DARS2: variants seen among roughly 807,000 people sequenced by gnomAD.
DARS2 encodes the protein aspartate--tRNA ligase, mitochondrial.
A neutral mutation model predicts 83.0 loss-of-function variants in DARS2; 63 were observed. The ratio of observed to expected loss-of-function variants is 0.76; its 90% confidence interval spans 0.62 to 0.94. The LOEUF (loss-of-function observed/expected upper bound fraction) is 0.94. Among genes scored for constraint, DARS2 ranks in the 40% least tolerant of loss-of-function variants. The probability of loss-of-function intolerance (pLI) is 0.00; values close to 1 mark genes in which losing one functional copy is unlikely to be tolerated. For synonymous variants in DARS2, 250 were observed against 269.3 expected, an observed-to-expected ratio of 0.93 and a Z score of 0.70; for missense variants, 675 against 774.4, an observed-to-expected ratio of 0.87 and a Z score of 1.52.
chr1:173,845,360 CTATCAT>C, intron 12 of DARS2, 69 bp downstream of exon 12: 1 of 957,890 alleles, frequency 1.0e-6, no homozygotes, highest in Non-Finnish European at 1.7e-6. Context: ...ATTAACTAAA[CTATCAT>C]TATCATTAGT....
At chr1:173,830,614 G>T (rs1047096933) in intron 3 of DARS2, 46 bp from the exon 4 acceptor site, 1 of 1,466,866 alleles carries the variant, frequency 6.8e-7, no homozygotes, top group East Asian at 2.3e-5. Flanking sequence ...GAAGATTCCT[G>T]TAAGTTCATT....
chr1:173,855,590 C>T (rs570641114), intron 15 of DARS2, among the ~76,000 whole-genome samples: 5 of 152,284 alleles, frequency 3.3e-5, no homozygotes, highest in East Asian at 1.9e-4. Flanking sequence ...CTGCCCAGCC[C>T]AGCTTCCAGT....
At chr1:173,850,621 T>TTTA in intron 13 of DARS2, 142 bp downstream of exon 13, 1 of 915,670 alleles carries the variant, frequency 1.1e-6, no homozygotes. Flanking sequence ...TTTTTTTTTT[T>TTTA]AAGAGACGGA....
intron 8 of DARS2, 67 bp downstream of exon 8, chr1:173,837,113 C>T (rs1426394621): frequency 1.5e-6 from 2 of 1,363,608 alleles, no homozygotes; most frequent in African/African-American, 1.4e-5. Flanking sequence ...AAAAAGGAAA[C>T]ACAAAATCCT....
chr1:173,854,186 A>T (rs1419714753), intron 15 of DARS2, among the ~76,000 whole-genome samples: 2 of 152,080 alleles, frequency 1.3e-5, no homozygotes, highest in Non-Finnish European at 2.9e-5. Context: ...TATGTTGCTC[A>T]CACTGCTCTC....
At chr1:173,852,303 C>T in intron 13 of DARS2, 3 of 941,946 alleles carry the variant, frequency 3.2e-6, no homozygotes, top group African/African-American at 1.8e-5. Flanking sequence ...CAAGCCCGTT[C>T]TAAGCACTTT....
chr1:173,857,449 T>C, intron 16 of DARS2, 69 bp from the exon 17 acceptor site: 1 of 1,509,724 alleles, frequency 6.6e-7, no homozygotes, highest in Non-Finnish European at 9.2e-7. Flanking sequence ...ACAACTTTTA[T>C]AGAAAAACTA....
intron 11 of DARS2, among the ~76,000 whole-genome samples, chr1:173,842,284 C>CCTTTTTTTT (rs1653251327): frequency 1.6e-5 from 1 of 64,224 alleles, no homozygotes; most frequent in African/African-American, 6.7e-5. Flanking sequence ...TCATTACTTT[C>CCTTTTTTTT]TTTTTTTTTT....
chr1:173,851,892 CT>C lies in DARS2; in HGVS notation c.1344+1414del, dbSNP rs1653684196. On this transcript the variant is annotated intron_variant, in intron 13 of 16. Coordinates refer to ENST00000649689, the MANE Select transcript of DARS2 (RefSeq NM_018122.5). The stretch of plus-strand genomic sequence containing the variant: ...ATGTAATCCCCCGTCTCCCCTTCCC[CT>C]ACAATAGTAAAATGAAGAAAGCTAT... The C allele has an allele frequency of 5.1e-6, 5 of 985,376 alleles. No homozygotes were observed. In the South Asian group the frequency reaches 2.3e-4, roughly 46 times the overall value. 61.0% of individuals were successfully genotyped at this position (985,376 alleles called of 1,614,324 possible).
intron 5 of DARS2, 100 bp from the exon 6 acceptor site, chr1:173,833,276 A>G (rs1467384331): frequency 9.2e-7 from 1 of 1,081,794 alleles, no homozygotes; most frequent in East Asian, 2.6e-5. Flanking sequence ...TAGAAACTAA[A>G]GACAGAGCTA....
chr1:173,840,992 T>C lies in DARS2; in HGVS notation c.1128+19T>C. The stretch of plus-strand genomic sequence containing the variant: ...AGGAGCAGTAAGTGAAGTACAGTTC[T>C]ATGTTTCTCTAGAATGTATGCTTTG... On this transcript the variant is annotated intron_variant, in intron 11 of 16. Coordinates refer to ENST00000649689, the MANE Select transcript of DARS2 (RefSeq NM_018122.5). 1 of 1,363,804 alleles carries C rather than the reference T, an allele frequency of 7.3e-7. No homozygotes were observed. Among genetic ancestry groups the C allele is most frequent in the Non-Finnish European group, 1.1e-6 (1 of 951,644 alleles). 84.5% of individuals were successfully genotyped at this position (1,363,804 alleles called of 1,614,324 possible).
intron 7 of DARS2, among the ~76,000 whole-genome samples, chr1:173,835,502 C>T (rs1652970811): frequency 6.7e-6 from 1 of 150,352 alleles, no homozygotes; most frequent in Non-Finnish European, 1.5e-5. Flanking sequence ...CCCAGGAGTT[C>T]AAGACCAGCT....
intron 12 of DARS2, among the ~76,000 whole-genome samples, chr1:173,847,315 GTTTATT>G (rs1653474867): frequency 6.6e-6 from 1 of 151,890 alleles, no homozygotes; most frequent in Non-Finnish European, 1.5e-5. Context: ...TTCCAATTTT[GTTTATT>G]TTTATTTTAT....
intron 10 of DARS2, among the ~76,000 whole-genome samples, chr1:173,840,503 A>G (rs930191643): frequency 6.6e-6 from 1 of 152,206 alleles, no homozygotes; most frequent in Non-Finnish European, 1.5e-5. Context: ...AAGTTCTGAG[A>G]TAATAGGCAT....
At chr1:173,844,762 T>G (rs567087389) in intron 11 of DARS2, among the ~76,000 whole-genome samples, 1 of 143,540 alleles carries the variant, frequency 7.0e-6, no homozygotes, top group African/African-American at 2.5e-5. Context: ...ATGTGTCATT[T>G]GGTAGCAGAA....
rs2102662277 is a variant in DARS2, at chr1:173,853,407, T to C, written c.1403T>C (p.Val468Ala). The C allele has an allele frequency of 6.2e-7, 1 of 1,613,588 alleles. No homozygotes were observed. The highest frequency in any genetic ancestry group is 2.2e-5 in the East Asian group (1 of 44,850). ...GCTGACCTTCTAGAAACAAGAGGAG[T>C]GGTGCTCCGTGACCCCACTCTGTTC... ...ECADLLETRG[V>A]VLRDPTLFSF... The change falls in exon 14 of 17, where the codon GTG becomes GCG. Residue 468 changes from valine (V) to alanine (A), a missense_variant. Physicochemically the swap from Val to Ala is moderately conservative, Grantham distance 64 (BLOSUM62 0). Coordinates refer to ENST00000649689, the MANE Select transcript of DARS2 (RefSeq NM_018122.5).
intron 5 of DARS2, 58 bp from the exon 6 acceptor site, chr1:173,833,318 A>C: frequency 1.4e-6 from 2 of 1,467,422 alleles, no homozygotes; most frequent in South Asian, 2.7e-5. Flanking sequence ...CTTTCTAAAG[A>C]TAATACCTTT....
intron 3 of DARS2, 103 bp downstream of exon 3, chr1:173,828,502 TTTA>T: frequency 9.0e-7 from 1 of 1,107,420 alleles, no homozygotes; most frequent in Non-Finnish European, 1.3e-6. Context: ...AATTCAGAAG[TTTA>T]TTGTTAATGA....
At chr1:173,834,982 G>A (rs193261789) in intron 7 of DARS2, among the ~76,000 whole-genome samples, 150 of 151,110 alleles carry the variant, frequency 9.9e-4, no homozygotes, top group Non-Finnish European at 1.7e-3. Context: ...GAGTTTCACC[G>A]TTTTGGCCAG....
Sources: allele counts gnomAD v4.1 joint callset (sites outside exome capture counted in the v4.1 genomes callset), GRCh38; gene constraint gnomAD v4.1.1; transcripts MANE v1.5; gene names NCBI Gene and HGNC (gene_info 2026-07-23, HGNC 2026-07-21).